The following PTPRD variants were observed in gnomAD, a reference collection of about 807,000 sequenced individuals.
The protein encoded by PTPRD is receptor-type tyrosine-protein phosphatase delta.
PTPRD carries 34 observed loss-of-function variants against 214.5 expected under a neutral mutation model. That is an observed-to-expected ratio of 0.16 (90% CI 0.12 to 0.21). The LOEUF (loss-of-function observed/expected upper bound fraction) is 0.21. Among genes scored for constraint, PTPRD ranks in the 10% least tolerant of loss-of-function variants. The probability of loss-of-function intolerance (pLI) is 1.00; values close to 1 mark genes in which losing one functional copy is unlikely to be tolerated. For missense variants in PTPRD, 2,545 were observed against 2,398.7 expected (o/e 1.06, Z -1.27); for synonymous variants, 1,128 against 845.7 (o/e 1.33, Z -5.79).
At chr9:9,717,159 G>A (rs1448570867) in intron 7 of PTPRD, among the ~76,000 whole-genome samples, 1 of 152,032 alleles carries the variant, frequency 6.6e-6, no homozygotes, top group African/African-American at 2.4e-5. Flanking sequence ...TCAGATAGTT[G>A]TAGATATGCG....
At chr9:9,947,422 A>T (rs1200953970) in intron 4 of PTPRD, among the ~76,000 whole-genome samples, 2 of 33,148 alleles carry the variant, frequency 6.0e-5, no homozygotes, top group African/African-American at 5.5e-4. Flanking sequence ...TTTTATATAT[A>T]TATTATATAT....
At chr9:9,423,390 C>T (rs1014120460) in intron 8 of PTPRD, among the ~76,000 whole-genome samples, 1 of 152,154 alleles carries the variant, frequency 6.6e-6, no homozygotes, top group Non-Finnish European at 1.5e-5. Flanking sequence ...GACCTGTCAC[C>T]AGGAAACTGA....
intron 7 of PTPRD, among the ~76,000 whole-genome samples, chr9:9,726,690 A>G (rs141436787): frequency 5.3e-5 from 8 of 152,312 alleles, no homozygotes; most frequent in African/African-American, 1.9e-4. Context: ...AGACATTTTC[A>G]TATGTCTCAA....
At chr9:9,397,209 G>C (rs1255813990) in intron 9 of PTPRD, among the ~76,000 whole-genome samples, 1 of 151,952 alleles carries the variant, frequency 6.6e-6, no homozygotes, top group Non-Finnish European at 1.5e-5. Flanking sequence ...GATTGTTAAA[G>C]TTTGAGTAAG....
At chr9:10,094,913 A>G (rs543784256) in intron 3 of PTPRD, among the ~76,000 whole-genome samples, 11 of 151,572 alleles carry the variant, frequency 7.3e-5, no homozygotes, top group Admixed American at 6.0e-4. Context: ...GAATATTAGC[A>G]TTACTGATTT....
At chr9:9,278,334 C>T (rs186506041) in intron 9 of PTPRD, among the ~76,000 whole-genome samples, 4 of 151,134 alleles carry the variant, frequency 2.6e-5, no homozygotes, top group East Asian at 2.0e-4. Context: ...TAATTATAGG[C>T]GTGTAGCTGA....
chr9:8,642,811 ATAAT>A (rs1340461708), intron 12 of PTPRD, among the ~76,000 whole-genome samples: 1 of 152,192 alleles, frequency 6.6e-6, no homozygotes, highest in Non-Finnish European at 1.5e-5. Flanking sequence ...GGTTTTTGTT[ATAAT>A]TAGCTTCATT....
intron 2 of PTPRD, among the ~76,000 whole-genome samples, chr9:10,600,997 T>C (rs1365914303): frequency 6.6e-6 from 1 of 151,816 alleles, no homozygotes; most frequent in Non-Finnish European, 1.5e-5. Flanking sequence ...AAGGTGTTTT[T>C]AGCTTTATTA....
At chr9:8,746,839 A>G (rs1250743903) in intron 11 of PTPRD, among the ~76,000 whole-genome samples, 2 of 152,108 alleles carry the variant, frequency 1.3e-5, no homozygotes, top group Admixed American at 1.3e-4. Flanking sequence ...AAAAACAAAC[A>G]AACAAAATTT....
intron 7 of PTPRD, among the ~76,000 whole-genome samples, chr9:9,666,688 C>G (rs971836580): frequency 3.9e-5 from 6 of 152,006 alleles, no homozygotes; most frequent in African/African-American, 1.4e-4. Context: ...TTACTTTCAA[C>G]TGTCTTGTGG....
chr9:9,692,207 T>C (rs2097285798), intron 7 of PTPRD, among the ~76,000 whole-genome samples: 1 of 151,336 alleles, frequency 6.6e-6, no homozygotes, highest in South Asian at 2.1e-4. Context: ...CCCAGAACAA[T>C]GTGCTGGAGA....
chr9:9,493,211 G>C (rs1231616398), intron 8 of PTPRD, among the ~76,000 whole-genome samples: 6 of 151,902 alleles, frequency 3.9e-5, no homozygotes, highest in African/African-American at 1.5e-4. Context: ...TAATGCTTAA[G>C]GTACTCTGCC....
intron 39 of PTPRD, among the ~76,000 whole-genome samples, chr9:8,374,383 C>A (rs144482584): frequency 4.2e-4 from 64 of 152,010 alleles, no homozygotes; most frequent in Admixed American, 1.2e-3. Flanking sequence ...AAACTAGCAC[C>A]TGAATTAAAA....
chr9:8,334,473 G>A (rs1342376610), intron 43 of PTPRD, among the ~76,000 whole-genome samples: 1 of 143,828 alleles, frequency 7.0e-6, no homozygotes, highest in African/African-American at 2.6e-5. Flanking sequence ...CAGAAATAAA[G>A]ATGTTCTTTG....
intron 10 of PTPRD, among the ~76,000 whole-genome samples, chr9:9,182,941 T>C (rs1342157669): frequency 6.6e-6 from 1 of 151,986 alleles, no homozygotes; most frequent in African/African-American, 2.4e-5. Flanking sequence ...AATAATTTCA[T>C]AGCAGCAGCA....
intron 14 of PTPRD, among the ~76,000 whole-genome samples, chr9:8,589,041 T>C (rs2093895978): frequency 6.6e-6 from 1 of 152,150 alleles, no homozygotes; most frequent in South Asian, 2.1e-4. Context: ...TATTATAAAC[T>C]AAAAATAAAT....
chr9:9,270,451 C>A (rs1408429244), intron 9 of PTPRD, among the ~76,000 whole-genome samples: 1 of 151,130 alleles, frequency 6.6e-6, no homozygotes, highest in Non-Finnish European at 1.5e-5. Flanking sequence ...GCGTTCCAGG[C>A]AGCAAGAAGT....
intron 11 of PTPRD, among the ~76,000 whole-genome samples, chr9:8,759,880 G>A (rs374286389): frequency 2.0e-5 from 3 of 152,230 alleles, no homozygotes; most frequent in East Asian, 3.9e-4. Context: ...TCCTGGACTC[G>A]TGTTTGTTTG....
intron 8 of PTPRD, among the ~76,000 whole-genome samples, chr9:9,570,031 TA>T (rs898859786): frequency 6.6e-6 from 1 of 151,556 alleles, no homozygotes; most frequent in African/African-American, 2.4e-5. Context: ...ATATATTTTT[TA>T]GGGAAAAAAA....
Sources: allele counts gnomAD v4.1 joint callset (sites outside exome capture counted in the v4.1 genomes callset), GRCh38; gene constraint gnomAD v4.1.1; transcripts MANE v1.5; gene names NCBI Gene and HGNC (gene_info 2026-07-23, HGNC 2026-07-21).